The following SPATA31D1 variants were observed in gnomAD, a reference collection of about 807,000 sequenced individuals.
The protein encoded by SPATA31D1 is SPATA31 subfamily D member 1.
Under a neutral mutation model 13.2 loss-of-function variants are expected in SPATA31D1, and 6 were observed. That is an observed-to-expected ratio of 0.46 (90% confidence interval 0.25 to 0.90). The LOEUF is 0.90. Ranked by LOEUF, SPATA31D1 falls within the 40% of genes least tolerant of loss-of-function variation. SPATA31D1 has a pLI of 0.18. For synonymous variants in SPATA31D1, 903 were observed against 718.8 expected, an observed-to-expected ratio of 1.26 and a Z score of -4.10; for missense variants, 2,445 against 1,884.7, an observed-to-expected ratio of 1.30 and a Z score of -5.50.
Position 81,992,145 on chromosome 9 carries a change from C to A in SPATA31D1, c.1675C>A (p.Gln559Lys). 6.2e-7 allele frequency: 1 copy of A among 1,613,742 alleles called. No homozygotes were observed. The highest frequency in any genetic ancestry group is 8.5e-7 in the Non-Finnish European group (1 of 1,179,718). ...CCAACCTCTGTCCTTGCCTAGTACCCAACCACTACCCTTGCCTCAAACCCT... is the reference window on the plus strand; with the variant it reads ...CCAACCTCTGTCCTTGCCTAGTACCAAACCACTACCCTTGCCTCAAACCCT... ...PPQPLSLPST[Q>K]PLPLPQTLPQ... Residue 559 changes from glutamine (Q) to lysine (K), a missense_variant, in exon 4 of 4, where the codon CAA becomes AAA. Transcript: ENST00000344803.
In SPATA31D1 at chr9:81,990,881, T is replaced by C; in HGVS notation, c.411T>C (p.Thr137=). 6.2e-7 allele frequency: 1 copy of C among 1,613,968 alleles called. No individual in the cohort carries two copies. The highest frequency in any genetic ancestry group is 8.5e-7 in the Non-Finnish European group (1 of 1,179,886). Residue 137 remains threonine, a synonymous_variant, in exon 4 of 4, where the codon ACT becomes ACC. Coordinates refer to ENST00000344803, the MANE Select transcript of SPATA31D1 (RefSeq NM_001001670.3). The stretch of plus-strand genomic sequence containing the variant: ...TCTGTCGGGTGTGTAAGAGAGCAAC[T>C]GCTGATATCCAGCAACTGCTGTCTT... ...DPVCRVCKRA[T]ADIQQLLSWE...
Position 81,989,006 on chromosome 9 carries a change from T to C in SPATA31D1, c.186+2T>C. The C allele has an allele frequency of 6.2e-7, 1 of 1,611,326 alleles. No individual in the cohort carries two copies. On this transcript the variant is annotated splice_donor_variant, in intron 1 of 3. Transcript: ENST00000344803. LOFTEE classifies it high-confidence loss of function. ...GAAAAAAATAATGACATCCAAAAGG[T>C]AAGGAACTGTGGGTGAACACCCAAG...
At chr9:81,990,595 T>G in intron 3 of SPATA31D1, 109 bp downstream of exon 3, 1 of 1,354,446 alleles carries the variant, frequency 7.4e-7, no homozygotes, top group Non-Finnish European at 1.0e-6. Context: ...TGGGAGTGGG[T>G]AGCCATAGGA....
chr9:81,994,001 C>T lies in SPATA31D1; in HGVS notation c.3531C>T (p.Ser1177=), dbSNP rs199683781. Reference sequence around the variant, plus strand: ...GCTCACTGACAAATGTGAAAGCAAGCACTTCCAATGAAACTGAAATTTTCC... The same window carrying T: ...GCTCACTGACAAATGTGAAAGCAAGTACTTCCAATGAAACTGAAATTTTCC... ...GSCSLTNVKA[S]TSNETEIFPP... The change falls in exon 4 of 4, where the codon AGC becomes AGT. Residue 1177 remains serine, a synonymous_variant. Transcript: ENST00000344803. The T allele has an allele frequency of 8.1e-6, 13 of 1,613,700 alleles. No individual in the cohort carries two copies. Among genetic ancestry groups the T allele is most frequent in the East Asian group, 2.2e-5 (1 of 44,896 alleles).
upstream of SPATA31D1, among the ~76,000 whole-genome samples, chr9:81,988,620 G>T (rs1247343879): frequency 2.0e-5 from 3 of 152,162 alleles, no homozygotes; most frequent in Admixed American, 6.5e-5. Context: ...GCAAGGTAGG[G>T]CAGAGGGACC....
At chr9:81,990,061 G>C (rs1206255686) in intron 2 of SPATA31D1, 5 of 535,586 alleles carry the variant, frequency 9.3e-6, no homozygotes, top group Middle Eastern at 4.9e-4. Flanking sequence ...TTGCCCAATT[G>C]GTGGCCAACT....
chr9:81,992,190 C>G lies in SPATA31D1; in HGVS notation c.1720C>G (p.His574Asp). ...AACCCTGCCCCAAGGTCAGTCCCCA[C>G]ATCTCACTCAGGTGAAGTCCCTGGC... Reference protein sequence around the residue: ...PQTLPQGQSPHLTQVKSLAQP... With the variant: ...PQTLPQGQSPDLTQVKSLAQP... Residue 574 changes from histidine (H) to aspartate (D), a missense_variant, in exon 4 of 4, where the codon CAT becomes GAT. Physicochemically the swap from His to Asp is moderately conservative, Grantham distance 81. Coordinates refer to ENST00000344803, the MANE Select transcript of SPATA31D1 (RefSeq NM_001001670.3). 1 of 1,613,780 alleles carries G rather than the reference C, an allele frequency of 6.2e-7. No homozygotes were observed. Among genetic ancestry groups the G allele is most frequent in the East Asian group, 2.2e-5 (1 of 44,878 alleles).
At position 81,994,866 on chromosome 9, in the gene SPATA31D1, T is replaced by C. The variant is rs769356308; in HGVS notation, c.4396T>C (p.Cys1466Arg). 5 of 1,613,864 alleles carry C rather than the reference T, an allele frequency of 3.1e-6. No individual in the cohort carries two copies. The highest frequency in any genetic ancestry group is 1.3e-5 in the African/African-American group (1 of 74,932). The change falls in exon 4 of 4, where the codon TGC becomes CGC. Residue 1466 changes from cysteine (C) to arginine (R), a missense_variant. By Grantham distance (180) the Cys-to-Arg change is radical (BLOSUM62 -3). Transcript: ENST00000344803. ...TCCCTGCAACTACAGGGCTCCCTCC[T>C]GCAAAGTGACACGTACCAAATCTTG... ...GCPCNYRAPS[C>R]KVTRTKSCSQ...
Position 81,993,304 on chromosome 9 carries a change from C to T in SPATA31D1, c.2834C>T (p.Pro945Leu). Reference protein sequence around the residue: ...LSTSFSHFDLPSSATFISQGD... With the variant: ...LSTSFSHFDLLSSATFISQGD... ...ACTTCCTTTTCCCATTTCGACCTTC[C>T]CTCCTCAGCCACCTTCATCTCTCAG... The change falls in exon 4 of 4, where the codon CCC becomes CTC. Residue 945 changes from proline to leucine, a missense_variant. Pro to Leu is a moderately conservative substitution (Grantham distance 98, BLOSUM62 -3). Coordinates refer to ENST00000344803, the MANE Select transcript of SPATA31D1 (RefSeq NM_001001670.3). The T allele has an allele frequency of 6.2e-7, 1 of 1,613,978 alleles. No individual in the cohort carries two copies. Among genetic ancestry groups the T allele is most frequent in the South Asian group, 1.1e-5 (1 of 91,076 alleles).
intron 1 of SPATA31D1, 137 bp downstream of exon 1, chr9:81,989,141 C>A: frequency 5.2e-6 from 7 of 1,351,332 alleles, no homozygotes; most frequent in Non-Finnish European, 6.0e-6. Flanking sequence ...TAGAACTTCA[C>A]TCTTCTATGG....
intron 2 of SPATA31D1, 184 bp from the exon 3 acceptor site, chr9:81,990,233 T>C (rs1366462406): frequency 1.8e-6 from 1 of 557,464 alleles, no homozygotes; most frequent in Non-Finnish European, 3.2e-6. Context: ...GGGTAATGTA[T>C]GTGAAAGGAC....
chr9:81,993,288 T>C lies in SPATA31D1; in HGVS notation c.2818T>C (p.Ser940Pro), dbSNP rs531840057. 24 of 1,613,970 alleles carry C rather than the reference T, an allele frequency of 1.5e-5. No individual in the cohort carries two copies. The South Asian group carries it at 2.4e-4, about 16-fold the overall frequency. Reference sequence around the variant, plus strand: ...GAAAGCGGACCTTTCCACTTCCTTTTCCCATTTCGACCTTCCCTCCTCAGC... The same window carrying C: ...GAAAGCGGACCTTTCCACTTCCTTTCCCCATTTCGACCTTCCCTCCTCAGC... The part of the protein sequence containing the change: ...KSKADLSTSF[S>P]HFDLPSSATF... Residue 940 changes from serine (S) to proline (P), a missense_variant, in exon 4 of 4, where the codon TCC (serine) becomes CCC (proline). By Grantham distance (74) the Ser-to-Pro change is moderately conservative. Coordinates refer to ENST00000344803, the MANE Select transcript of SPATA31D1 (RefSeq NM_001001670.3).
chr9:81,989,860 A>G (rs1313973026), intron 2 of SPATA31D1, 37 bp downstream of exon 2: 24 of 1,604,772 alleles, frequency 1.5e-5, no homozygotes, highest in African/African-American at 2.7e-5. Context: ...TTCAGGGGTG[A>G]CCCTTTCTGT....
In SPATA31D1 at chr9:81,994,629, A is replaced by G. The variant is rs758565448; in HGVS notation, c.4159A>G (p.Asn1387Asp). 6.3e-5 allele frequency: 102 copies of G among 1,613,348 alleles called. No individual in the cohort carries two copies. The highest frequency in any genetic ancestry group is 4.0e-4 in the Admixed American group (24 of 59,908). The change falls in exon 4 of 4, where the codon AAT becomes GAT. Residue 1387 changes from asparagine to aspartate, a missense_variant. Physicochemically the swap from Asn to Asp is conservative, Grantham distance 23. Transcript: ENST00000344803. ...TAGCTCCCTGTCATCATGTGTGCAG[A>G]ATATTGGTCGAGTTATAAGAGCTGC... ...KGSSLSSCVQ[N>D]IGRVIRAAFT... is the part of the protein sequence containing the mutation.
Position 81,993,772 on chromosome 9 carries a change from G to A in SPATA31D1, c.3302G>A (p.Ser1101Asn). ...PPPHSIVDEVSQKQTVLASRC... is the reference protein window; with the variant it reads ...PPPHSIVDEVNQKQTVLASRC... ...CCACACAGCATCGTAGACGAAGTCA[G>A]TCAGAAACAGACTGTACTGGCCAGT... is the stretch of plus-strand genomic sequence containing the variant. The change falls in exon 4 of 4, where the codon AGT becomes AAT. Residue 1101 changes from serine to asparagine, a missense_variant. Coordinates refer to ENST00000344803, the MANE Select transcript of SPATA31D1 (RefSeq NM_001001670.3). The A allele has an allele frequency of 6.2e-7, 1 of 1,614,034 alleles. No homozygotes were observed. The highest frequency in any genetic ancestry group is 1.7e-5 in the Admixed American group (1 of 60,028).
rs751426053 is a variant in SPATA31D1 at position 81,995,000 on chromosome 9, G to C, written c.4530G>C (p.Leu1510=). The change falls in exon 4 of 4, where the codon CTG becomes CTC. Residue 1510 remains leucine, a synonymous_variant. Coordinates refer to ENST00000344803, the MANE Select transcript of SPATA31D1 (RefSeq NM_001001670.3). ...TTGAGGCATTTAAGGGGAAGATACT[G>C]TGTCAAAGCCATCCCCAATCCATGC... is the stretch of plus-strand genomic sequence containing the variant. ...QKVEAFKGKI[L]CQSHPQSMPH... The C allele has an allele frequency of 1.2e-6, 2 of 1,613,866 alleles. No individual in the cohort carries two copies. Among genetic ancestry groups the C allele is most frequent in the African/African-American group, 2.7e-5 (2 of 74,936 alleles).
chr9:81,994,835 G>A lies in SPATA31D1; in HGVS notation c.4365G>A (p.Gln1455=), dbSNP rs756294138. 6.2e-7 allele frequency: 1 copy of A among 1,613,964 alleles called. No homozygotes were observed. The highest frequency in any genetic ancestry group is 8.5e-7 in the Non-Finnish European group (1 of 1,179,872). ...TGCATGTCAGAGCAGAGCCTGTCCA[G>A]GGCTGTCCCTGCAACTACAGGGCTC... The part of the protein sequence containing the change: ...PEVHVRAEPV[Q]GCPCNYRAPS... The change falls in exon 4 of 4, where the codon CAG becomes CAA. Residue 1455 remains glutamine, a synonymous_variant. Coordinates refer to ENST00000344803, the MANE Select transcript of SPATA31D1 (RefSeq NM_001001670.3).
Position 81,989,023 on chromosome 9 carries a change from A to G in SPATA31D1, c.186+19A>G, listed in dbSNP as rs1374385477. The G allele has an allele frequency of 6.2e-6, 10 of 1,610,672 alleles. No homozygotes were observed. Among genetic ancestry groups the G allele is most frequent in the African/African-American group, 4.0e-5 (3 of 74,818 alleles). ...CCAAAAGGTAAGGAACTGTGGGTGA[A>G]CACCCAAGAGAGATGCCCTGTTGTT... On this transcript the variant is annotated intron_variant, in intron 1 of 3. Coordinates refer to ENST00000344803, the MANE Select transcript of SPATA31D1 (RefSeq NM_001001670.3).
In SPATA31D1 at chr9:81,991,713, C is replaced by A; in HGVS notation, c.1243C>A (p.Leu415Met). The part of the protein sequence containing the change: ...SFLSHDILAL[L>M]ERQVKKRGDF... ...TCTCAGCCATGACATTCTGGCACTCCTGGAGAGACAAGTCAAAAAAAGGGG... is the reference window on the plus strand; with the variant it reads ...TCTCAGCCATGACATTCTGGCACTCATGGAGAGACAAGTCAAAAAAAGGGG... The change falls in exon 4 of 4, where the codon CTG (leucine) becomes ATG (methionine). Residue 415 changes from leucine to methionine, a missense_variant. Leu to Met is a conservative substitution (Grantham distance 15). Coordinates refer to ENST00000344803, the MANE Select transcript of SPATA31D1 (RefSeq NM_001001670.3). 1.2e-6 allele frequency: 2 copies of A among 1,613,778 alleles called. No individual in the cohort carries two copies. Among genetic ancestry groups the A allele is most frequent in the Non-Finnish European group, 1.7e-6 (2 of 1,179,802 alleles).
Sources: gnomAD v4.1 joint callset for allele counts (sites outside exome capture counted in the v4.1 genomes callset) on GRCh38, gnomAD v4.1.1 for gene constraint, MANE v1.5 for transcripts, NCBI Gene and HGNC (gene_info 2026-07-23, HGNC 2026-07-21) for gene names.